The following RFX3 variants were observed in gnomAD, a reference collection of about 807,000 sequenced individuals.
The protein encoded by RFX3 is transcription factor RFX3.
Under a neutral mutation model 98.6 loss-of-function variants are expected in RFX3, and 14 were observed. That is an observed-to-expected ratio of 0.14 (90% CI 0.09 to 0.22). The LOEUF (loss-of-function observed/expected upper bound fraction) is 0.22, where lower values mean the gene tolerates loss of function less well. RFX3 is among the 10% of genes least tolerant of loss of function. The probability of loss-of-function intolerance (pLI) is 1.00; values close to 1 mark genes in which losing one functional copy is unlikely to be tolerated. For missense variants in RFX3, 639 were observed against 926.9 expected (o/e 0.69, Z 4.03); for synonymous variants, 383 against 328.4 (o/e 1.17, Z -1.80).
chr9:3,227,608 C>G (rs1032565342), intron 16 of RFX3, among the ~76,000 whole-genome samples: 1 of 152,166 alleles, frequency 6.6e-6, no homozygotes, highest in Non-Finnish European at 1.5e-5. Flanking sequence ...AGCAGTAAAA[C>G]TCTACTGTCC....
At chr9:3,508,022 T>TA (rs1428601976) in intron 1 of RFX3, among the ~76,000 whole-genome samples, 3 of 148,988 alleles carry the variant, frequency 2.0e-5, no homozygotes, top group African/African-American at 7.3e-5. Context: ...AAATATTTCT[T>TA]AAACGACTCT....
At chr9:3,351,628 A>G (rs964886975) in intron 2 of RFX3, among the ~76,000 whole-genome samples, 1 of 152,076 alleles carries the variant, frequency 6.6e-6, no homozygotes, top group African/African-American at 2.4e-5. Flanking sequence ...TCAATAAAAA[A>G]AGAACTAAAA....
At chr9:3,443,688 T>G (rs1845798424) in intron 1 of RFX3, among the ~76,000 whole-genome samples, 3 of 152,210 alleles carry the variant, frequency 2.0e-5, no homozygotes, top group Admixed American at 2.0e-4. Flanking sequence ...ATCTTTATAA[T>G]AGAATGATTT....
intron 2 of RFX3, among the ~76,000 whole-genome samples, chr9:3,379,277 G>C (rs1796353307): frequency 2.0e-5 from 3 of 152,184 alleles, no homozygotes; most frequent in Non-Finnish European, 4.4e-5. Flanking sequence ...ATAAAGGAAA[G>C]TTAATCTAGA....
chr9:3,227,288 A>T (rs552713), intron 16 of RFX3, among the ~76,000 whole-genome samples: 130,019 of 152,178 alleles, frequency 0.85, 56,525 homozygotes, highest in East Asian at 0.97. Context: ...GGTAGTGAGA[A>T]AATGGACTGG....
intron 1 of RFX3, among the ~76,000 whole-genome samples, chr9:3,454,966 C>T (rs117665299): frequency 0.018 from 2,802 of 152,288 alleles, 39 homozygotes; most frequent in South Asian, 0.037. Context: ...TCTCCCACCT[C>T]GTCTTCAGAA....
chr9:3,355,060 C>T (rs146000934), intron 2 of RFX3, among the ~76,000 whole-genome samples: 3 of 151,614 alleles, frequency 2.0e-5, no homozygotes, highest in African/African-American at 7.2e-5. Flanking sequence ...CTGATAAATA[C>T]ATATTTTTTA....
intron 2 of RFX3, among the ~76,000 whole-genome samples, chr9:3,373,860 C>CG (rs1838130239): frequency 6.6e-6 from 1 of 152,166 alleles, no homozygotes; most frequent in Admixed American, 6.5e-5. Flanking sequence ...AGGCAGATCA[C>CG]GAAGTCAGGA....
At chr9:3,369,893 C>G (rs182504973) in intron 2 of RFX3, among the ~76,000 whole-genome samples, 31 of 152,080 alleles carry the variant, frequency 2.0e-4, no homozygotes, top group Non-Finnish European at 3.1e-4. Context: ...GCGGTGGCGC[C>G]ATCTCCGCTC....
chr9:3,261,966 T>A lies in RFX3; in HGVS notation c.1605+969A>T, dbSNP rs1336650688. On this transcript the variant is annotated intron_variant, in intron 13 of 16. Coordinates refer to ENST00000617270, the MANE Select transcript of RFX3 (RefSeq NM_001282116.2). ...ATGTTTTCTTTGCGGAAATGTCTAC[T>A]CAGATGTTTGTCCATATTTAATCAG... 3.3e-5 allele frequency among the ~76,000 whole-genome samples: 5 copies of A among 152,204 alleles called. No homozygotes were observed. The East Asian group carries it at 9.6e-4, about 29-fold the overall frequency.
chr9:3,352,018 T>A (rs962459319), intron 2 of RFX3, among the ~76,000 whole-genome samples: 1 of 151,968 alleles, frequency 6.6e-6, no homozygotes, highest in African/African-American at 2.4e-5. Context: ...ACTTTAATGA[T>A]GATGAAATCT....
chr9:3,418,271 C>G (rs181249181), intron 1 of RFX3, among the ~76,000 whole-genome samples: 23 of 152,314 alleles, frequency 1.5e-4, no homozygotes, highest in African/African-American at 5.1e-4. Context: ...AAAGATTCAA[C>G]AAGTTACTGC....
rs371468619 is a variant in RFX3 at position 3,384,071 on chromosome 9, T to C, written c.117+11401A>G. Among the ~76,000 whole-genome samples, 14 of 152,276 alleles carry C rather than the reference T, an allele frequency of 9.2e-5. No homozygotes were observed. In the East Asian group the frequency reaches 1.7e-3, roughly 19 times the overall value. On this transcript the variant is annotated intron_variant, in intron 2 of 16. Transcript: ENST00000617270. ...CTACAGAAGTATCCAGGAGAAAAGA[T>C]GATTCTCAAACTGTGTTCCATAAAT...
intron 1 of RFX3, among the ~76,000 whole-genome samples, chr9:3,422,507 C>T (rs1409686101): frequency 6.6e-6 from 1 of 152,222 alleles, no homozygotes; most frequent in Non-Finnish European, 1.5e-5. Flanking sequence ...AGGAGAAACC[C>T]TTCTGCCTTA....
At chr9:3,497,308 G>T (rs1184300326) in intron 1 of RFX3, among the ~76,000 whole-genome samples, 1 of 151,948 alleles carries the variant, frequency 6.6e-6, no homozygotes, top group African/African-American at 2.4e-5. Flanking sequence ...GTGCCACAAG[G>T]AATTCTTCTC....
At chr9:3,275,001 A>T (rs1032257709) in intron 9 of RFX3, among the ~76,000 whole-genome samples, 20 of 152,028 alleles carry the variant, frequency 1.3e-4, no homozygotes, top group African/African-American at 4.8e-4. Context: ...TTTTCTTTTA[A>T]CTTTAAATCT....
At chr9:3,480,238 T>C (rs926518974) in intron 1 of RFX3, among the ~76,000 whole-genome samples, 25 of 152,316 alleles carry the variant, frequency 1.6e-4, no homozygotes, top group South Asian at 4.1e-4. Context: ...AGGTGAGAAA[T>C]GAGATCAGCT....
intron 1 of RFX3, among the ~76,000 whole-genome samples, chr9:3,463,801 G>C (rs936938725): frequency 4.6e-5 from 7 of 151,738 alleles, no homozygotes; most frequent in Non-Finnish European, 8.8e-5. Flanking sequence ...GGAGACCCCA[G>C]TATCTACAAA....
intron 4 of RFX3, among the ~76,000 whole-genome samples, chr9:3,329,062 T>C (rs1832269964): frequency 6.6e-6 from 1 of 152,194 alleles, no homozygotes; most frequent in African/African-American, 2.4e-5. Context: ...TATCAAATTC[T>C]GCAAAATTTT....
Sources: allele counts gnomAD v4.1 joint callset (sites outside exome capture counted in the v4.1 genomes callset), GRCh38; gene constraint gnomAD v4.1.1; transcripts MANE v1.5; gene names NCBI Gene and HGNC (gene_info 2026-07-23, HGNC 2026-07-21).